The following UBE2D2 variants were observed in gnomAD, a reference collection of about 807,000 sequenced individuals.
The protein encoded by UBE2D2 is ubiquitin-conjugating enzyme E2 D2.
In UBE2D2, 2 loss-of-function variants were observed where a neutral mutation model predicts 24.2. The observed-to-expected ratio is 0.08, with a 90% CI of 0.03 to 0.26. The LOEUF is 0.26. Ranked by LOEUF, UBE2D2 falls within the 10% of genes least tolerant of loss-of-function variation. The pLI, the probability that UBE2D2 is intolerant of heterozygous loss-of-function variation, is 1.00. For synonymous variants in UBE2D2, 58 were observed against 56.5 expected (o/e 1.03, Z -0.12); for missense variants, 44 against 177.6 (o/e 0.25, Z 4.28).
At chr5:139,581,639 A>G (rs911259590) in intron 1 of UBE2D2, among the ~76,000 whole-genome samples, 1 of 151,986 alleles carries the variant, frequency 6.6e-6, no homozygotes, top group Non-Finnish European at 1.5e-5. Context: ...AATTTTTTGG[A>G]GCCTGAACAT....
chr5:139,574,616 T>C (rs1753428322), intron 1 of UBE2D2, among the ~76,000 whole-genome samples: 2 of 152,018 alleles, frequency 1.3e-5, no homozygotes. Context: ...TATTCCCCTA[T>C]TTAGACTGAA....
In UBE2D2 at chr5:139,566,867, CAAAAA is replaced by C. The variant is rs950945671; in HGVS notation, c.24+5058_24+5062del. Among the ~76,000 whole-genome samples, 5 of 138,520 alleles carry C rather than the reference CAAAAA, an allele frequency of 3.6e-5. No homozygotes were observed. In the South Asian group the frequency reaches 1.1e-3, roughly 32 times the overall value. 90.9% of individuals were successfully genotyped at this position (138,520 alleles called of 152,430 possible). A position where few individuals can be genotyped will look rare whatever the true frequency, so the allele number is the denominator to read the frequency against. ...GCCCAGTGTTGCAATATCTTCCATTCAAAAAAAAAAGAGAAGCCACAAATCCAGAT... is the reference window on the plus strand; with the variant it reads ...GCCCAGTGTTGCAATATCTTCCATTCAAAAAGAGAAGCCACAAATCCAGAT... On this transcript the variant is annotated intron_variant, in intron 1 of 6. Coordinates refer to ENST00000398733, the MANE Select transcript of UBE2D2 (RefSeq NM_003339.3).
intron 1 of UBE2D2, among the ~76,000 whole-genome samples, chr5:139,568,377 G>A (rs991703115): frequency 2.6e-5 from 4 of 151,568 alleles, no homozygotes; most frequent in East Asian, 1.9e-4. Flanking sequence ...ACTGTAGGCC[G>A]GGCTGGGCGC....
chr5:139,571,792 T>TTA (rs1753357090), intron 1 of UBE2D2, among the ~76,000 whole-genome samples: 3 of 149,818 alleles, frequency 2.0e-5, no homozygotes, highest in Non-Finnish European at 4.4e-5. Context: ...CCTCCTTCCC[T>TTA]CACTCACTTC....
intron 2 of UBE2D2, among the ~76,000 whole-genome samples, chr5:139,605,030 A>G (rs1196035713): frequency 1.3e-5 from 2 of 152,256 alleles, no homozygotes; most frequent in Admixed American, 1.3e-4. Flanking sequence ...AGGAAGAGAG[A>G]AACTGTTGGC....
At chr5:139,580,118 A>T (rs1753563347) in intron 1 of UBE2D2, among the ~76,000 whole-genome samples, 1 of 151,620 alleles carries the variant, frequency 6.6e-6, no homozygotes, top group Admixed American at 6.6e-5. Flanking sequence ...TTTGAGACAG[A>T]GTCTCACTCT....
chr5:139,567,837 T>G (rs1358361024), intron 1 of UBE2D2, among the ~76,000 whole-genome samples: 1 of 152,100 alleles, frequency 6.6e-6, no homozygotes, highest in Non-Finnish European at 1.5e-5. Context: ...CCCCGCCTTT[T>G]GTATGGTTTT....
intron 1 of UBE2D2, among the ~76,000 whole-genome samples, chr5:139,580,775 C>T (rs1311720952): frequency 6.6e-6 from 1 of 152,116 alleles, no homozygotes; most frequent in Non-Finnish European, 1.5e-5. Flanking sequence ...ATAAGCAACA[C>T]CCAGGTGTGG....
intron 1 of UBE2D2, among the ~76,000 whole-genome samples, chr5:139,537,792 T>A (rs1050563329): frequency 2.0e-5 from 3 of 151,614 alleles, no homozygotes; most frequent in Admixed American, 6.6e-5. Flanking sequence ...GTGAGACCCC[T>A]TCTCTACTAA....
chr5:139,600,450 G>T lies in UBE2D2; in HGVS notation c.88+15G>T, dbSNP rs771147990. The T allele has an allele frequency of 6.2e-7, 1 of 1,613,126 alleles. No homozygotes were observed. The highest frequency in any genetic ancestry group is 8.5e-7 in the Non-Finnish European group (1 of 1,179,332). On this transcript the variant is annotated intron_variant, in intron 2 of 6. Coordinates refer to ENST00000398733, the MANE Select transcript of UBE2D2 (RefSeq NM_003339.3). ...TGGAGATGATAGTAAGTATTTAAAA[G>T]GAATAATGGAGTAATAGCATAACAG...
At chr5:139,550,200 C>A (rs1379506819) in intron 1 of UBE2D2, among the ~76,000 whole-genome samples, 3 of 151,226 alleles carry the variant, frequency 2.0e-5, no homozygotes, top group African/African-American at 7.3e-5. Flanking sequence ...GTGTCTAGCT[C>A]AAGGTTTGTA....
At chr5:139,595,527 C>T (rs2126680585) in intron 1 of UBE2D2, among the ~76,000 whole-genome samples, 1 of 152,004 alleles carries the variant, frequency 6.6e-6, no homozygotes, top group African/African-American at 2.4e-5. Flanking sequence ...TATAGGAGCC[C>T]CCACCACGCC....
chr5:139,589,281 G>A lies in UBE2D2; in HGVS notation c.25-11091G>A, dbSNP rs531549308. Among the ~76,000 whole-genome samples the A allele has an allele frequency of 1.1e-4, 17 of 152,150 alleles. No individual in the cohort carries two copies. In the East Asian group the frequency reaches 2.3e-3, roughly 21 times the overall value. ...CTCTTAAAGAAAAAAAAAATAGCCC[G>A]GGCACGGTGGCTCGTGCTTGTATTC... On this transcript the variant is annotated intron_variant, in intron 1 of 6. Coordinates refer to ENST00000398733, the MANE Select transcript of UBE2D2 (RefSeq NM_003339.3).
rs866982409 is a variant in UBE2D2, at chr5:139,626,890, A to C, written c.*89A>C. On this transcript the variant is annotated 3_prime_UTR_variant, in exon 7 of 7. Transcript: ENST00000398733. ...TTTGATTTCCATTTGACTGCTTTCT[A>C]TGAGCCCACGCCTCATCTTCCCCTG... The C allele has an allele frequency of 9.0e-7, 1 of 1,111,714 alleles. No homozygotes were observed. The highest frequency in any genetic ancestry group is 1.3e-6 in the Non-Finnish European group (1 of 744,914). 68.9% of individuals were successfully genotyped at this position (1,111,714 alleles called of 1,614,324 possible).
At chr5:139,552,513 T>C (rs1180854934) in intron 1 of UBE2D2, among the ~76,000 whole-genome samples, 4 of 148,556 alleles carry the variant, frequency 2.7e-5, no homozygotes, top group Non-Finnish European at 6.0e-5. Context: ...TTTTTTCTTT[T>C]TTTTTTTTTT....
rs186834828 is a variant in UBE2D2 at position 139,547,442 on chromosome 5, T to C, written c.-64+20830T>C. ...TATTGGCCAGGATGGTCTCAATCTC[T>C]TGACCTCGTGATCCACCCAGCTCAA... On this transcript the variant is annotated intron_variant, in intron 1 of 6. Transcript: ENST00000511725. Among the ~76,000 whole-genome samples, 919 of 152,072 alleles carry C rather than the reference T, an allele frequency of 6.0e-3. 8 individuals carry two copies. The highest frequency in any genetic ancestry group is 5.3e-3 in the Non-Finnish European group (361 of 67,992).
intron 1 of UBE2D2, among the ~76,000 whole-genome samples, chr5:139,573,501 A>G (rs1753398025): frequency 6.6e-6 from 1 of 152,142 alleles, no homozygotes; most frequent in African/African-American, 2.4e-5. Flanking sequence ...TTGTAGCAAA[A>G]GAAAGAATAC....
chr5:139,552,875 T>C (rs2126640463), intron 1 of UBE2D2, among the ~76,000 whole-genome samples: 1 of 151,950 alleles, frequency 6.6e-6, no homozygotes, highest in South Asian at 2.1e-4. Flanking sequence ...AGAGACGGGG[T>C]TTCTCCATGT....
chr5:139,537,825 G>A (rs1315792679), intron 1 of UBE2D2, among the ~76,000 whole-genome samples: 5 of 151,782 alleles, frequency 3.3e-5, no homozygotes, highest in African/African-American at 1.2e-4. Context: ...TTAGCTGGGC[G>A]TGTTGGTGGG....
Sources: gnomAD v4.1 joint callset for allele counts (sites outside exome capture counted in the v4.1 genomes callset) on GRCh38, gnomAD v4.1.1 for gene constraint, MANE v1.5 for transcripts, NCBI Gene and HGNC (gene_info 2026-07-23, HGNC 2026-07-21) for gene names.